The following WWOX variants were observed in gnomAD, a reference collection of about 807,000 sequenced individuals.
WWOX encodes WW domain containing oxidoreductase, also known as WW domain-containing oxidoreductase.
Under a neutral mutation model 46.2 loss-of-function variants are expected in WWOX, and 69 were observed. The observed-to-expected ratio is 1.49, with a 90% CI of 1.23 to 1.82. The LOEUF (loss-of-function observed/expected upper bound fraction) is 1.82. Ranked by LOEUF, WWOX falls within the 40% of genes most tolerant of loss-of-function variation. The pLI, the probability that WWOX is intolerant of heterozygous loss-of-function variation, is 0.00. For synonymous variants in WWOX, 359 were observed against 202.6 expected (o/e 1.77, Z -6.56); for missense variants, 919 against 542.6 (o/e 1.69, Z -6.89).
At chr16:78,216,042 A>G (rs2036710795) in intron 5 of WWOX, among the ~76,000 whole-genome samples, 2 of 152,216 alleles carry the variant, frequency 1.3e-5, no homozygotes, top group Admixed American at 6.5e-5. Flanking sequence ...AAGGGGCACA[A>G]CAGAGACACA....
chr16:78,683,558 TAATA>T (rs1203290785), intron 8 of WWOX, among the ~76,000 whole-genome samples: 1 of 85,200 alleles, frequency 1.2e-5, no homozygotes, highest in Non-Finnish European at 3.0e-5. Flanking sequence ...ATAATAAAAA[TAATA>T]AAAAAAAAAT....
At chr16:78,695,586 G>C (rs576070692) in intron 8 of WWOX, among the ~76,000 whole-genome samples, 1 of 152,186 alleles carries the variant, frequency 6.6e-6, no homozygotes, top group African/African-American at 2.4e-5. Context: ...CTGGATCAGA[G>C]AGAGCAGAGC....
intron 5 of WWOX, among the ~76,000 whole-genome samples, chr16:78,257,096 A>G (rs1438572395): frequency 7.2e-5 from 11 of 151,998 alleles, no homozygotes; most frequent in Admixed American, 7.2e-4. Flanking sequence ...TTAACCACAT[A>G]CAGGCTCGTG....
At chr16:78,539,551 G>T (rs2043837946) in intron 8 of WWOX, among the ~76,000 whole-genome samples, 1 of 152,202 alleles carries the variant, frequency 6.6e-6, no homozygotes, top group South Asian at 2.1e-4. Flanking sequence ...TAGGACTTCA[G>T]GTCCACATAT....
chr16:79,119,572 A>C (rs2049586154), intron 8 of WWOX, among the ~76,000 whole-genome samples: 1 of 152,144 alleles, frequency 6.6e-6, no homozygotes, highest in Non-Finnish European at 1.5e-5. Flanking sequence ...TTACATTGAG[A>C]ATCTCATTTT....
chr16:79,035,871 A>C (rs139756533), intron 8 of WWOX, among the ~76,000 whole-genome samples: 1,711 of 152,344 alleles, frequency 0.011, 36 homozygotes, highest in African/African-American at 0.039. Flanking sequence ...ATGGGATTAC[A>C]GGCGTGAGCC....
intron 8 of WWOX, among the ~76,000 whole-genome samples, chr16:78,910,532 T>C (rs145659758): frequency 3.3e-5 from 5 of 151,622 alleles, no homozygotes; most frequent in African/African-American, 1.2e-4. Flanking sequence ...AAATTAAGGA[T>C]GCTGTATGAG....
At chr16:79,200,506 C>G (rs1213726464) in intron 8 of WWOX, among the ~76,000 whole-genome samples, 1 of 152,168 alleles carries the variant, frequency 6.6e-6, no homozygotes. Context: ...CCTTTAGCCT[C>G]TGTCTCCCCT....
chr16:78,914,974 C>T (rs1047159960), intron 8 of WWOX, among the ~76,000 whole-genome samples: 2 of 151,334 alleles, frequency 1.3e-5, no homozygotes, highest in East Asian at 3.9e-4. Context: ...TCAGTTAATT[C>T]CAGGGTCATG....
chr16:79,160,187 C>A (rs1243459471), intron 8 of WWOX, among the ~76,000 whole-genome samples: 1 of 152,200 alleles, frequency 6.6e-6, no homozygotes, highest in African/African-American at 2.4e-5. Flanking sequence ...TCTGTTTGTT[C>A]AAGATGGGAG....
chr16:78,636,054 C>T (rs925971211), intron 8 of WWOX, among the ~76,000 whole-genome samples: 4 of 152,110 alleles, frequency 2.6e-5, no homozygotes, highest in African/African-American at 9.7e-5. Context: ...GGAACACTGC[C>T]TGTGTTTTCC....
At chr16:78,598,650 T>G (rs1433435973) in intron 8 of WWOX, among the ~76,000 whole-genome samples, 3 of 152,094 alleles carry the variant, frequency 2.0e-5, no homozygotes, top group Admixed American at 2.0e-4. Flanking sequence ...AAAAGAAATC[T>G]CCTTTCAAAA....
intron 8 of WWOX, among the ~76,000 whole-genome samples, chr16:78,534,933 C>A (rs1051598227): frequency 6.6e-5 from 10 of 152,014 alleles, no homozygotes; most frequent in African/African-American, 2.4e-4. Flanking sequence ...GGGATGGTCT[C>A]GATGTCCTTA....
chr16:78,995,878 G>A (rs1448607301), intron 8 of WWOX, among the ~76,000 whole-genome samples: 1 of 152,170 alleles, frequency 6.6e-6, no homozygotes, highest in African/African-American at 2.4e-5. Flanking sequence ...GAGATTGTGT[G>A]ATCTTAAATG....
At chr16:78,587,590 T>A (rs1021406184) in intron 8 of WWOX, among the ~76,000 whole-genome samples, 1 of 152,048 alleles carries the variant, frequency 6.6e-6, no homozygotes, top group Non-Finnish European at 1.5e-5. Flanking sequence ...AACAGAGATG[T>A]TGATGAGAAG....
intron 5 of WWOX, among the ~76,000 whole-genome samples, chr16:78,314,301 G>C (rs1009577800): frequency 2.0e-5 from 3 of 151,076 alleles, no homozygotes; most frequent in Non-Finnish European, 4.4e-5. Flanking sequence ...AGCTACTCGG[G>C]AGGCTGAGGC....
chr16:78,646,135 A>C (rs189110978), intron 8 of WWOX, among the ~76,000 whole-genome samples: 51 of 152,318 alleles, frequency 3.3e-4, no homozygotes, highest in African/African-American at 1.2e-3. Flanking sequence ...CTGCCATGCC[A>C]AATAACACCT....
At chr16:78,316,886 G>C (rs895028859) in intron 5 of WWOX, among the ~76,000 whole-genome samples, 2 of 152,160 alleles carry the variant, frequency 1.3e-5, no homozygotes, top group African/African-American at 4.8e-5. Flanking sequence ...ATGCCTCCTT[G>C]CTGAAACTAC....
At chr16:78,294,619 T>A (rs962628848) in intron 5 of WWOX, among the ~76,000 whole-genome samples, 8 of 152,106 alleles carry the variant, frequency 5.3e-5, no homozygotes, top group Non-Finnish European at 1.0e-4. Flanking sequence ...GGCTGTGAGG[T>A]CTGTAAAAGG....
Sources: allele counts gnomAD v4.1 joint callset (sites outside exome capture counted in the v4.1 genomes callset), GRCh38; gene constraint gnomAD v4.1.1; transcripts MANE v1.5; gene names NCBI Gene and HGNC (gene_info 2026-07-23, HGNC 2026-07-21).